CNTN4: variants seen among roughly 807,000 people sequenced by gnomAD.
The protein encoded by CNTN4 is contactin 4.
A neutral mutation model predicts 122.5 loss-of-function variants in CNTN4; 77 were observed. The ratio of observed to expected loss-of-function variants is 0.63; its 90% CI spans 0.52 to 0.76. CNTN4 has a LOEUF of 0.76. Among genes scored for constraint, CNTN4 ranks in the 30% least tolerant of loss-of-function variants. CNTN4 has a pLI of 0.00. For synonymous variants in CNTN4, 512 were observed against 447.0 expected (o/e 1.15, Z -1.83); for missense variants, 1,256 against 1,259.1 (o/e 1.00, Z 0.04).
intron 2 of CNTN4, among the ~76,000 whole-genome samples, chr3:2,104,735 G>C (rs2032290059): frequency 6.6e-6 from 1 of 152,148 alleles, no homozygotes. Context: ...TGAGTGCCTG[G>C]GGGAGAAGGG....
intron 14 of CNTN4, among the ~76,000 whole-genome samples, chr3:3,002,401 G>A (rs139447540): frequency 1.7e-3 from 253 of 152,166 alleles, no homozygotes; most frequent in African/African-American, 5.5e-3. Context: ...AACTAGGGAC[G>A]AATATAATTC....
chr3:2,189,722 CTG>C (rs2037438133), intron 2 of CNTN4, among the ~76,000 whole-genome samples: 1 of 147,416 alleles, frequency 6.8e-6, no homozygotes, highest in Admixed American at 7.0e-5. Flanking sequence ...CCATAGAACT[CTG>C]TGTCCATTCC....
intron 4 of CNTN4, among the ~76,000 whole-genome samples, chr3:2,635,151 C>T (rs958575095): frequency 3.3e-5 from 5 of 152,120 alleles, no homozygotes; most frequent in African/African-American, 9.7e-5. Context: ...CTCTACGCAC[C>T]TGTTCAATGC....
chr3:2,385,961 T>C lies in CNTN4; in HGVS notation c.-89+46728T>C, dbSNP rs2046240636. ...ACTCAGCAGTCGCTCCCGAGAATCCTTCTTTTTATGTTCAGAAGAGAGGTT... is the reference window on the plus strand; with the variant it reads ...ACTCAGCAGTCGCTCCCGAGAATCCCTCTTTTTATGTTCAGAAGAGAGGTT... On this transcript the variant is annotated intron_variant, in intron 3 of 24. Coordinates refer to ENST00000418658, the MANE Select transcript of CNTN4 (RefSeq NM_175607.3). The surrounding 1 kb of genome is among the most constrained non-coding windows in gnomAD (Gnocchi z 4.0). 6.6e-6 allele frequency among the ~76,000 whole-genome samples: 1 copy of C among 152,104 alleles called. No individual in the cohort carries two copies. Among genetic ancestry groups the C allele is most frequent in the South Asian group, 2.1e-4 (1 of 4,830 alleles).
intron 2 of CNTN4, among the ~76,000 whole-genome samples, chr3:2,257,286 A>C (rs1268509907): frequency 6.6e-6 from 1 of 152,234 alleles, no homozygotes; most frequent in African/African-American, 2.4e-5. Flanking sequence ...ACAAAAATTA[A>C]CTCAAGCTGG....
At chr3:2,805,406 A>G (rs1347017037) in intron 6 of CNTN4, among the ~76,000 whole-genome samples, 3 of 152,320 alleles carry the variant, frequency 2.0e-5, no homozygotes, top group East Asian at 3.9e-4. Flanking sequence ...ATAGAAAATG[A>G]TCTCAGGAGC....
intron 13 of CNTN4, among the ~76,000 whole-genome samples, chr3:2,955,209 T>C (rs344409): frequency 0.58 from 87,770 of 152,056 alleles, 25,923 homozygotes; most frequent in South Asian, 0.74. Flanking sequence ...AAAAGTCATA[T>C]ATAATGAGCA....
intron 3 of CNTN4, among the ~76,000 whole-genome samples, chr3:2,420,912 A>G (rs1468662259): frequency 6.6e-6 from 1 of 152,192 alleles, no homozygotes; most frequent in African/African-American, 2.4e-5. Flanking sequence ...ATTTTGTCAG[A>G]GAAAGAATGT....
intron 6 of CNTN4, among the ~76,000 whole-genome samples, chr3:2,793,366 T>G (rs1305398954): frequency 6.6e-6 from 1 of 152,178 alleles, no homozygotes; most frequent in Non-Finnish European, 1.5e-5. Flanking sequence ...AAGACCTTGC[T>G]ATTACTACTG....
intron 9 of CNTN4, among the ~76,000 whole-genome samples, chr3:2,883,955 A>G (rs1172569966): frequency 2.0e-5 from 3 of 152,192 alleles, no homozygotes; most frequent in Admixed American, 6.5e-5. Flanking sequence ...AGTATAAACT[A>G]TTATCTGAAG....
At chr3:2,727,175 G>A (rs956284066) in intron 4 of CNTN4, among the ~76,000 whole-genome samples, 6 of 152,148 alleles carry the variant, frequency 3.9e-5, no homozygotes, top group Non-Finnish European at 7.3e-5. Context: ...GGTCAGAAAT[G>A]TTTGAGAATT....
At chr3:2,932,151 G>T (rs965698407) in intron 13 of CNTN4, among the ~76,000 whole-genome samples, 1 of 152,134 alleles carries the variant, frequency 6.6e-6, no homozygotes, top group African/African-American at 2.4e-5. Context: ...GTCGAGGCAG[G>T]CGGATCACGA....
intron 2 of CNTN4, among the ~76,000 whole-genome samples, chr3:2,147,363 A>C (rs1239616004): frequency 6.6e-6 from 1 of 152,222 alleles, no homozygotes; most frequent in Non-Finnish European, 1.5e-5. Context: ...AAAAAATAAA[A>C]ACAAATTAAA....
At chr3:2,823,232 T>C (rs1409848568) in intron 7 of CNTN4, among the ~76,000 whole-genome samples, 2 of 152,200 alleles carry the variant, frequency 1.3e-5, no homozygotes, top group Admixed American at 6.5e-5. Context: ...GTTTCCATTG[T>C]AACAGATCAT....
At chr3:2,347,339 GTCATTTTTCC>G (rs1005282916) in intron 3 of CNTN4, among the ~76,000 whole-genome samples, 6 of 127,638 alleles carry the variant, frequency 4.7e-5, no homozygotes, top group Non-Finnish European at 1.0e-4. Flanking sequence ...ATTGACACAC[GTCATTTTTCC>G]TCATATTCCA....
chr3:2,845,141 C>T (rs1287108592), intron 7 of CNTN4, among the ~76,000 whole-genome samples: 3 of 151,840 alleles, frequency 2.0e-5, no homozygotes, highest in Non-Finnish European at 4.4e-5. Flanking sequence ...AAAAACAAGC[C>T]AATAAAAAAA....
intron 2 of CNTN4, among the ~76,000 whole-genome samples, chr3:2,165,750 C>G (rs2036166820): frequency 6.6e-6 from 1 of 152,054 alleles, no homozygotes; most frequent in Non-Finnish European, 1.5e-5. Context: ...GGGTTCAACT[C>G]TTTTGGATTC....
chr3:2,822,830 G>A (rs1258551228), intron 7 of CNTN4, among the ~76,000 whole-genome samples: 2 of 152,120 alleles, frequency 1.3e-5, no homozygotes, highest in African/African-American at 4.8e-5. Context: ...GCAGTCAGCA[G>A]CTCTGAAATC....
At chr3:2,587,654 T>A (rs561959082) in intron 4 of CNTN4, among the ~76,000 whole-genome samples, 94 of 152,350 alleles carry the variant, frequency 6.2e-4, no homozygotes, top group Non-Finnish European at 1.1e-3. Flanking sequence ...AGCTATGCGC[T>A]CGATTCAGTT....
Sources: gnomAD v4.1 joint callset for allele counts (sites outside exome capture counted in the v4.1 genomes callset) on GRCh38, gnomAD v4.1.1 for gene constraint, Gnocchi (gnomAD v3.1) non-coding constraint, MANE v1.5 for transcripts, NCBI Gene and HGNC (gene_info 2026-07-23, HGNC 2026-07-21) for gene names.